Variants in R3HDM1 observed in about 807,000 individuals in gnomAD.
The protein encoded by R3HDM1 is R3H domain containing 1, also known as R3H domain-containing protein 1.
In R3HDM1, 46 loss-of-function variants were observed where a neutral mutation model predicts 141.1. That is an observed-to-expected ratio of 0.33 (90% CI 0.26 to 0.42). R3HDM1 has a LOEUF of 0.42. R3HDM1 is among the 10% of genes least tolerant of loss of function. R3HDM1 has a pLI of 1.00. For synonymous variants in R3HDM1, 435 were observed against 472.9 expected (o/e 0.92, Z 1.04); for missense variants, 1,184 against 1,368.3 (o/e 0.87, Z 2.12).
chr2:135,589,134 C>A (rs1708634689), intron 1 of R3HDM1, among the ~76,000 whole-genome samples: 1 of 152,042 alleles, frequency 6.6e-6, no homozygotes, highest in African/African-American at 2.4e-5. Flanking sequence ...GATTAAAATA[C>A]CATTTGATTC....
chr2:135,679,580 TTC>T (rs2069863485), intron 20 of R3HDM1, among the ~76,000 whole-genome samples: 1 of 152,230 alleles, frequency 6.6e-6, no homozygotes, highest in Non-Finnish European at 1.5e-5. Context: ...GTGTTACTCT[TTC>T]TATATCAAAT....
intron 26 of R3HDM1, among the ~76,000 whole-genome samples, chr2:135,723,117 T>TTTA (rs2076855965): frequency 1.3e-5 from 2 of 152,154 alleles, no homozygotes; most frequent in African/African-American, 4.8e-5. Flanking sequence ...ATTTTATTTT[T>TTTA]TTTATTTATT....
chr2:135,663,885 T>G (rs2067098812), intron 19 of R3HDM1, among the ~76,000 whole-genome samples: 1 of 151,928 alleles, frequency 6.6e-6, no homozygotes, highest in African/African-American at 2.4e-5. Context: ...ACAAAAAAAA[T>G]TAGCCGGGCA....
chr2:135,587,077 A>T (rs950547162), intron 1 of R3HDM1: 2 of 763,592 alleles, frequency 2.6e-6, no homozygotes, highest in African/African-American at 3.8e-5. Context: ...CATTGCTATG[A>T]TTAACATAAT....
chr2:135,553,681 G>C (rs1314382594), intron 1 of R3HDM1, among the ~76,000 whole-genome samples: 2 of 152,040 alleles, frequency 1.3e-5, no homozygotes, highest in Admixed American at 1.3e-4. Context: ...TTTTGTATGT[G>C]TTTTTTGTTT....
chr2:135,593,864 C>T (rs1485201323), intron 1 of R3HDM1, among the ~76,000 whole-genome samples: 3 of 152,122 alleles, frequency 2.0e-5, no homozygotes, highest in African/African-American at 4.8e-5. Context: ...GGATTACAGG[C>T]GCGCACCACC....
intron 19 of R3HDM1, among the ~76,000 whole-genome samples, chr2:135,673,671 A>G (rs2068729580): frequency 6.6e-6 from 1 of 152,244 alleles, no homozygotes; most frequent in Non-Finnish European, 1.5e-5. Flanking sequence ...TAGAATACAC[A>G]GTATTCTGTT....
intron 1 of R3HDM1, among the ~76,000 whole-genome samples, chr2:135,547,165 T>C (rs1210110066): frequency 6.6e-6 from 1 of 152,218 alleles, no homozygotes; most frequent in Non-Finnish European, 1.5e-5. Context: ...AGGCATGGGA[T>C]AGAAAACTGA....
At chr2:135,622,049 C>T in intron 6 of R3HDM1, 1 of 984,010 alleles carries the variant, frequency 1.0e-6, no homozygotes, top group Non-Finnish European at 1.2e-6. Flanking sequence ...CATTGCAGAT[C>T]AATAGAAATG....
intron 2 of R3HDM1, among the ~76,000 whole-genome samples, chr2:135,604,152 T>C (rs1354818116): frequency 6.6e-6 from 1 of 152,224 alleles, no homozygotes; most frequent in Non-Finnish European, 1.5e-5. Flanking sequence ...TTCATATTGC[T>C]GAACATATTT....
At chr2:135,589,289 A>C (rs1331913507) in intron 1 of R3HDM1, among the ~76,000 whole-genome samples, 1 of 152,216 alleles carries the variant, frequency 6.6e-6, no homozygotes, top group Non-Finnish European at 1.5e-5. Context: ...AAATCTTCTC[A>C]GAGCTGAGTT....
chr2:135,630,154 G>A (rs986234159), intron 7 of R3HDM1, among the ~76,000 whole-genome samples: 1 of 151,314 alleles, frequency 6.6e-6, no homozygotes, highest in African/African-American at 2.4e-5. Flanking sequence ...GTGCATGCCT[G>A]TAGTCCCAGC....
intron 1 of R3HDM1, among the ~76,000 whole-genome samples, chr2:135,599,194 G>A (rs556167607): frequency 1.3e-5 from 2 of 152,052 alleles, no homozygotes; most frequent in South Asian, 2.1e-4. Flanking sequence ...TACATGTGGC[G>A]TTTCTCTGGT....
intron 21 of R3HDM1, among the ~76,000 whole-genome samples, chr2:135,694,552 G>A (rs2072947013): frequency 6.6e-6 from 1 of 152,184 alleles, no homozygotes; most frequent in Non-Finnish European, 1.5e-5. Context: ...TCTAGATATT[G>A]GACATGGGAC....
At chr2:135,688,765 A>G (rs2071817436) in intron 21 of R3HDM1, among the ~76,000 whole-genome samples, 1 of 152,110 alleles carries the variant, frequency 6.6e-6, no homozygotes, top group Non-Finnish European at 1.5e-5. Flanking sequence ...GTGAAACACC[A>G]TCTCTACTAA....
At chr2:135,688,923 G>A (rs983344919) in intron 21 of R3HDM1, among the ~76,000 whole-genome samples, 14 of 152,162 alleles carry the variant, frequency 9.2e-5, no homozygotes, top group Non-Finnish European at 1.3e-4. Context: ...ATGACAGAGC[G>A]AGACTCCTTC....
chr2:135,607,947 AAG>A (rs2060216910), intron 3 of R3HDM1: 1 of 983,690 alleles, frequency 1.0e-6, no homozygotes, highest in Non-Finnish European at 1.2e-6. Flanking sequence ...AGGAGGGAAA[AAG>A]AGAATGTGAG....
At chr2:135,576,635 G>A (rs945909432) in intron 1 of R3HDM1, among the ~76,000 whole-genome samples, 1 of 152,186 alleles carries the variant, frequency 6.6e-6, no homozygotes, top group Non-Finnish European at 1.5e-5. Context: ...GATAAGCAGA[G>A]TGTGGTATGT....
At chr2:135,531,798 C>G (rs1694782949) in intron 1 of R3HDM1, 165 bp downstream of exon 1, 1 of 985,236 alleles carries the variant, frequency 1.0e-6, no homozygotes, top group Non-Finnish European at 1.2e-6. Flanking sequence ...GCGCTTCAGC[C>G]AGGGCCTTCT....
Sources: allele counts gnomAD v4.1 joint callset (sites outside exome capture counted in the v4.1 genomes callset), GRCh38; gene constraint gnomAD v4.1.1; transcripts MANE v1.5; gene names NCBI Gene and HGNC (gene_info 2026-07-23, HGNC 2026-07-21).